The following MAGI2 variants were observed in gnomAD, a reference collection of about 807,000 sequenced individuals.
The protein encoded by MAGI2 is membrane associated guanylate kinase, WW and PDZ domain containing 2, also known as membrane-associated guanylate kinase, WW and PDZ domain-containing protein 2.
Under a neutral mutation model 133.3 loss-of-function variants are expected in MAGI2, and 35 were observed. The ratio of observed to expected loss-of-function variants is 0.26; its 90% CI spans 0.20 to 0.35. MAGI2 has a LOEUF of 0.35. Among genes scored for constraint, MAGI2 ranks in the 10% least tolerant of loss-of-function variants. The pLI, the probability that MAGI2 is intolerant of heterozygous loss-of-function variation, is 1.00. For synonymous variants in MAGI2, 729 were observed against 710.6 expected, an observed-to-expected ratio of 1.03 and a Z score of -0.41; for missense variants, 1,636 against 1,863.4, an observed-to-expected ratio of 0.88 and a Z score of 2.25.
Position 78,878,163 on chromosome 7 carries a change from C to A in MAGI2, c.418+128927G>T. 1.3e-5 allele frequency among the ~76,000 whole-genome samples: 2 copies of A among 152,144 alleles called. 1 individual carries two copies. The highest frequency in any genetic ancestry group is 4.8e-5 in the African/African-American group (2 of 41,426). ...ATTACATCTGTTACAGATAAGTAATCAATATATGTTTATTTTTGCTTCATA... is the reference window on the plus strand; with the variant it reads ...ATTACATCTGTTACAGATAAGTAATAAATATATGTTTATTTTTGCTTCATA... On this transcript the variant is annotated intron_variant, in intron 2 of 21. Coordinates refer to ENST00000354212, the MANE Select transcript of MAGI2 (RefSeq NM_012301.4).
intron 1 of MAGI2, among the ~76,000 whole-genome samples, chr7:79,186,690 T>C (rs1434712917): frequency 1.4e-5 from 2 of 147,410 alleles, no homozygotes; most frequent in Non-Finnish European, 3.0e-5. Flanking sequence ...TACGAGTATA[T>C]ATATTTATAC....
At chr7:78,029,841 T>G (rs1178187680) in intron 21 of MAGI2, among the ~76,000 whole-genome samples, 1 of 152,180 alleles carries the variant, frequency 6.6e-6, no homozygotes, top group African/African-American at 2.4e-5. Flanking sequence ...GAGTTAAGAC[T>G]CCAAAGAAGG....
chr7:78,285,063 T>C (rs1018290147), intron 9 of MAGI2, among the ~76,000 whole-genome samples: 1 of 152,096 alleles, frequency 6.6e-6, no homozygotes, highest in Non-Finnish European at 1.5e-5. Context: ...GTGAGTAACT[T>C]TGACAACTTA....
At chr7:78,865,649 A>G (rs1174482558) in intron 2 of MAGI2, among the ~76,000 whole-genome samples, 1 of 152,218 alleles carries the variant, frequency 6.6e-6, no homozygotes, top group African/African-American at 2.4e-5. Flanking sequence ...TGGGAAGGTG[A>G]ATCTTGTTCA....
chr7:78,938,726 C>T (rs528567904), intron 2 of MAGI2, among the ~76,000 whole-genome samples: 1 of 152,144 alleles, frequency 6.6e-6, no homozygotes, highest in African/African-American at 2.4e-5. Flanking sequence ...GCTTTATTAG[C>T]AATTAAGACA....
At chr7:78,894,772 A>AG (rs1273405917) in intron 2 of MAGI2, among the ~76,000 whole-genome samples, 1 of 152,228 alleles carries the variant, frequency 6.6e-6, no homozygotes, top group Non-Finnish European at 1.5e-5. Flanking sequence ...GTTCAAAGTA[A>AG]GAGTAACAGA....
At chr7:78,942,660 A>G (rs1183312244) in intron 2 of MAGI2, among the ~76,000 whole-genome samples, 1 of 152,158 alleles carries the variant, frequency 6.6e-6, no homozygotes, top group African/African-American at 2.4e-5. Context: ...CTGGAAACTC[A>G]GTTTTTATTT....
At chr7:78,630,762 T>A (rs1808902605) in intron 2 of MAGI2, among the ~76,000 whole-genome samples, 1 of 152,180 alleles carries the variant, frequency 6.6e-6, no homozygotes, top group South Asian at 2.1e-4. Context: ...TTCATTTCCA[T>A]TTTCCATTCA....
intron 2 of MAGI2, among the ~76,000 whole-genome samples, chr7:78,775,405 A>G (rs1825918687): frequency 6.7e-6 from 1 of 149,794 alleles, no homozygotes; most frequent in African/African-American, 2.4e-5. Context: ...GGAAATTTAG[A>G]CAAATGGAGA....
At chr7:78,612,499 A>C (rs975348296) in intron 3 of MAGI2, among the ~76,000 whole-genome samples, 3 of 152,180 alleles carry the variant, frequency 2.0e-5, no homozygotes, top group Non-Finnish European at 4.4e-5. Flanking sequence ...AATAAATGAA[A>C]ACAAATAAAC....
intron 20 of MAGI2, among the ~76,000 whole-genome samples, chr7:78,120,773 G>A (rs972947914): frequency 7.3e-5 from 11 of 151,506 alleles, no homozygotes; most frequent in African/African-American, 2.4e-4. Flanking sequence ...AGGCCGAGGC[G>A]GGCGGATCAC....
chr7:79,282,188 C>T (rs933804820), intron 1 of MAGI2, among the ~76,000 whole-genome samples: 3 of 152,120 alleles, frequency 2.0e-5, no homozygotes, highest in Non-Finnish European at 2.9e-5. Flanking sequence ...ACCCATATTT[C>T]ATTAGGTATA....
At chr7:78,781,937 C>T (rs1357958953) in intron 2 of MAGI2, among the ~76,000 whole-genome samples, 1 of 152,108 alleles carries the variant, frequency 6.6e-6, no homozygotes, top group Admixed American at 6.6e-5. Context: ...TTCTTAACCC[C>T]TTGGAAGTTC....
At chr7:78,903,319 A>G (rs1797760182) in intron 2 of MAGI2, among the ~76,000 whole-genome samples, 1 of 150,082 alleles carries the variant, frequency 6.7e-6, no homozygotes, top group Admixed American at 6.7e-5. Context: ...TCAGCCTCCC[A>G]GGTAGCTGGG....
chr7:79,400,881 C>G (rs75364803), intron 1 of MAGI2, among the ~76,000 whole-genome samples: 3 of 151,966 alleles, frequency 2.0e-5, no homozygotes, highest in African/African-American at 4.8e-5. Flanking sequence ...TTTAGAAGAG[C>G]CTGCCTCAGT....
intron 1 of MAGI2, among the ~76,000 whole-genome samples, chr7:79,429,259 CT>C (rs1162745099): frequency 6.6e-6 from 1 of 151,638 alleles, no homozygotes; most frequent in Non-Finnish European, 1.5e-5. Flanking sequence ...AACTATAAAC[CT>C]TATTGACAAG....
intron 9 of MAGI2, among the ~76,000 whole-genome samples, chr7:78,313,831 C>T (rs773117106): frequency 6.6e-6 from 1 of 151,978 alleles, no homozygotes; most frequent in Non-Finnish European, 1.5e-5. Flanking sequence ...ACTACAATGA[C>T]TTTTTAAAAT....
chr7:79,401,492 G>T (rs1845465714), intron 1 of MAGI2, among the ~76,000 whole-genome samples: 2 of 152,128 alleles, frequency 1.3e-5, no homozygotes, highest in Admixed American at 6.6e-5. Context: ...CATATTGCCT[G>T]TTTGTTATTT....
intron 21 of MAGI2, among the ~76,000 whole-genome samples, chr7:78,057,686 CT>C (rs1250725290): frequency 6.6e-6 from 1 of 151,928 alleles, no homozygotes; most frequent in Non-Finnish European, 1.5e-5. Context: ...CTAGCCAGAG[CT>C]TTTTTACATG....
Sources: gnomAD v4.1 joint callset for allele counts (sites outside exome capture counted in the v4.1 genomes callset) on GRCh38, gnomAD v4.1.1 for gene constraint, MANE v1.5 for transcripts, NCBI Gene and HGNC (gene_info 2026-07-23, HGNC 2026-07-21) for gene names.